The following DIO1 variants were observed in gnomAD, a reference collection of about 807,000 sequenced individuals.
DIO1 encodes iodothyronine deiodinase 1, also known as type I iodothyronine deiodinase.
In DIO1, 17 loss-of-function variants were observed where a neutral mutation model predicts 25.9. That is an observed-to-expected ratio of 0.66 (90% CI 0.45 to 0.98). The LOEUF (loss-of-function observed/expected upper bound fraction) is 0.98. Among genes scored for constraint, DIO1 ranks in the 50% least tolerant of loss-of-function variants. The pLI is 0.00. For synonymous variants in DIO1, 115 were observed against 114.0 expected, an observed-to-expected ratio of 1.01 and a Z score of -0.05; for missense variants, 270 against 310.4, an observed-to-expected ratio of 0.87 and a Z score of 0.98.
rs76329964 is a variant in DIO1, at chr1:53,899,216, C to T, written c.337+4669C>T. Among the ~76,000 whole-genome samples the T allele has an allele frequency of 2.1e-3, 321 of 152,350 alleles. 1 individual carries two copies. The highest frequency in any genetic ancestry group is 7.5e-3 in the African/African-American group (313 of 41,592). On this transcript the variant is annotated intron_variant, in intron 1 of 3. Transcript: ENST00000361921. The stretch of plus-strand genomic sequence containing the variant: ...CTGAGAGTTAATCTGAAATTGGCTT[C>T]ATTTCAGCCCCTGTTTAAAATCTTC...
In DIO1 at chr1:53,903,753, G is replaced by A. The variant is rs182670453; in HGVS notation, c.338-913G>A. Among the ~76,000 whole-genome samples, 750 of 152,018 alleles carry A rather than the reference G, an allele frequency of 4.9e-3. 22 individuals are homozygous for A. Among genetic ancestry groups the A allele is most frequent in the African/African-American group, 0.016 (643 of 41,274 alleles). ...AGTCCCAGCTACTCAGGAGGCTGAGGCAGGAGAATCGCTTGAACCCCGGAG... is the reference window on the plus strand; with the variant it reads ...AGTCCCAGCTACTCAGGAGGCTGAGACAGGAGAATCGCTTGAACCCCGGAG... On this transcript the variant is annotated intron_variant, in intron 1 of 3. Transcript: ENST00000361921.
chr1:53,910,096 C>A lies in DIO1; in HGVS notation c.*97C>A. ...GCTGGCTTTTACCCTTGACCTGTGTCCCTAGCTGAATCACTAGCTCAGATT... is the reference window on the plus strand; with the variant it reads ...GCTGGCTTTTACCCTTGACCTGTGTACCTAGCTGAATCACTAGCTCAGATT... On this transcript the variant is annotated 3_prime_UTR_variant, in exon 4 of 4. Coordinates refer to ENST00000361921, the MANE Select transcript of DIO1 (RefSeq NM_000792.7). The A allele has an allele frequency of 9.5e-7, 1 of 1,049,396 alleles. No homozygotes were observed. Among genetic ancestry groups the A allele is most frequent in the Non-Finnish European group, 1.5e-6 (1 of 672,912 alleles). The allele number at this position is 1,049,396 out of a possible 1,614,324, so 65.0% of individuals were successfully genotyped here.
At chr1:53,899,375 G>C (rs949806181) in intron 1 of DIO1, among the ~76,000 whole-genome samples, 2 of 152,222 alleles carry the variant, frequency 1.3e-5, no homozygotes, top group Non-Finnish European at 2.9e-5. Flanking sequence ...AGTTGGACTT[G>C]ATAGTCTTCA....
chr1:53,896,520 T>G (rs2268185), intron 1 of DIO1, among the ~76,000 whole-genome samples: 4,964 of 152,214 alleles, frequency 0.033, 139 homozygotes, highest in East Asian at 0.12. Flanking sequence ...GCCTGGCCTA[T>G]CCTGTGTTTT....
At chr1:53,903,101 C>T (rs1651455897) in intron 1 of DIO1, 1 of 151,918 alleles carries the variant, frequency 6.6e-6, no homozygotes, top group South Asian at 2.1e-4. Context: ...CATCTCCTGA[C>T]CCCAGAGTGG....
chr1:53,904,335 T>C (rs919611633), intron 1 of DIO1, among the ~76,000 whole-genome samples: 2 of 152,176 alleles, frequency 1.3e-5, no homozygotes, highest in African/African-American at 4.8e-5. Flanking sequence ...CCTTGCAGTA[T>C]TACTAATCCC....
At position 53,910,615 on chromosome 1, in the gene DIO1, T is replaced by A. The variant is rs1651900012; in HGVS notation, c.*616T>A. The A allele has an allele frequency of 1.3e-5, 2 of 153,212 alleles. No individual in the cohort carries two copies. Among genetic ancestry groups the A allele is most frequent in the Admixed American group, 1.3e-4 (2 of 15,480 alleles). 9.5% of individuals were successfully genotyped at this position (153,212 alleles called of 1,614,324 possible). On this transcript the variant is annotated 3_prime_UTR_variant, in exon 4 of 4. Transcript: ENST00000361921. ...TTAAACCTGTCCACATTGGTGGTGA[T>A]GATGGGTGAGTTTCCATGGTAACAC...
At chr1:53,905,016 G>A (rs192393774) in intron 2 of DIO1, among the ~76,000 whole-genome samples, 326 of 152,268 alleles carry the variant, frequency 2.1e-3, no homozygotes, top group Non-Finnish European at 4.1e-3. Flanking sequence ...ACAGAGAGCA[G>A]AACACCTGGA....
At chr1:53,895,146 T>C (rs6662835) in intron 1 of DIO1, among the ~76,000 whole-genome samples, 34,254 of 152,130 alleles carry the variant, frequency 0.23, 4,082 homozygotes, top group African/African-American at 0.29. Flanking sequence ...AGCTCTCGGC[T>C]GGGCGTGATG....
At chr1:53,900,110 C>T (rs542738768) in intron 1 of DIO1, among the ~76,000 whole-genome samples, 9 of 152,282 alleles carry the variant, frequency 5.9e-5, no homozygotes, top group Admixed American at 2.0e-4. Context: ...AGAGGGGCTT[C>T]GTATGTCCAG....
chr1:53,909,828 G>C (rs1237076212), intron 3 of DIO1, 103 bp from the exon 4 acceptor site: 3 of 1,089,024 alleles, frequency 2.8e-6, no homozygotes, highest in South Asian at 2.5e-5. Flanking sequence ...CTCCTACACA[G>C]ACATCATTTG....
intron 3 of DIO1, among the ~76,000 whole-genome samples, chr1:53,909,402 C>T (rs138773095): frequency 0.018 from 2,725 of 151,740 alleles, 91 homozygotes; most frequent in African/African-American, 0.063. Context: ...GGCAACAGAG[C>T]GAGACTCTGT....
intron 3 of DIO1, among the ~76,000 whole-genome samples, chr1:53,908,375 TG>T (rs1325580680): frequency 6.6e-6 from 1 of 152,296 alleles, no homozygotes; most frequent in African/African-American, 2.4e-5. Flanking sequence ...GTATAGGGCC[TG>T]ATAGTAAATA....
intron 1 of DIO1, among the ~76,000 whole-genome samples, chr1:53,901,304 C>T (rs1472811857): frequency 6.6e-6 from 1 of 152,100 alleles, no homozygotes; most frequent in Admixed American, 6.5e-5. Context: ...ACAGAAGCTC[C>T]CTCTGGTTTT....
Position 53,897,296 on chromosome 1 carries a change from T to C in DIO1, c.337+2749T>C, listed in dbSNP as rs145663713. Among the ~76,000 whole-genome samples the C allele has an allele frequency of 8.4e-3, 1,281 of 152,196 alleles. 24 individuals carry two copies. Among genetic ancestry groups the C allele is most frequent in the African/African-American group, 0.029 (1,218 of 41,520 alleles). On this transcript the variant is annotated intron_variant, in intron 1 of 3. Transcript: ENST00000361921. ...TTCAAGACCAGCCTGGCCAACATGA[T>C]GAAACCTCGTCTCTACTAAAAATAC...
At chr1:53,904,604 T>G in intron 1 of DIO1, 62 bp from the exon 2 acceptor site, 3 of 1,576,510 alleles carry the variant, frequency 1.9e-6, no homozygotes, top group Non-Finnish European at 1.7e-6. Context: ...GGAGTGAAAA[T>G]GGTGCTTGTA....
intron 2 of DIO1, among the ~76,000 whole-genome samples, chr1:53,905,165 A>ATT (rs1194459720): frequency 0.033 from 3,965 of 118,744 alleles, 230 homozygotes; most frequent in African/African-American, 0.11. Flanking sequence ...CCTTATGGCT[A>ATT]TTTTTTTTTT....
chr1:53,898,276 CACAAG>C (rs1651179585), intron 1 of DIO1, among the ~76,000 whole-genome samples: 1 of 152,008 alleles, frequency 6.6e-6, no homozygotes, highest in Non-Finnish European at 1.5e-5. Context: ...TTCAGTTTGG[CACAAG>C]TGGGGTCCCA....
Position 53,905,134 on chromosome 1 carries a change from A to G in DIO1, c.481+325A>G, listed in dbSNP as rs190404789. On this transcript the variant is annotated intron_variant, in intron 2 of 3. Transcript: ENST00000361921. ...CATTTACAAAGAATTCAGACCCAAA[A>G]TGTCACAGGTGAAATGACGGCCTTA... Among the ~76,000 whole-genome samples the G allele has an allele frequency of 4.9e-3, 749 of 151,570 alleles. 9 individuals are homozygous for G. Among genetic ancestry groups the G allele is most frequent in the South Asian group, 0.014 (65 of 4,778 alleles).
Sources: gnomAD v4.1 joint callset for allele counts (sites outside exome capture counted in the v4.1 genomes callset) on GRCh38, gnomAD v4.1.1 for gene constraint, MANE v1.5 for transcripts, NCBI Gene and HGNC (gene_info 2026-07-23, HGNC 2026-07-21) for gene names.